NCKAP5: variants seen among roughly 807,000 people sequenced by gnomAD.
The protein encoded by NCKAP5 is nck-associated protein 5.
In NCKAP5, 92 loss-of-function variants were observed where a neutral mutation model predicts 167.0. The observed-to-expected ratio is 0.55, with a 90% confidence interval of 0.47 to 0.66. The LOEUF is 0.66. Ranked by LOEUF, NCKAP5 falls within the 30% of genes least tolerant of loss-of-function variation. NCKAP5 has a pLI of 0.00. For synonymous variants in NCKAP5, 891 were observed against 877.4 expected, an observed-to-expected ratio of 1.02 and a Z score of -0.27; for missense variants, 2,378 against 2,315.0, an observed-to-expected ratio of 1.03 and a Z score of -0.56.
At chr2:132,753,686 T>G (rs926261713) in intron 16 of NCKAP5, among the ~76,000 whole-genome samples, 3 of 152,108 alleles carry the variant, frequency 2.0e-5, no homozygotes, top group Non-Finnish European at 2.9e-5. Context: ...AAGCAAGGGT[T>G]TTGAGGGAAT....
Position 133,392,056 on chromosome 2 carries a change from T to C in NCKAP5, c.70-88946A>G, listed in dbSNP as rs1377085757. Among the ~76,000 whole-genome samples the C allele has an allele frequency of 3.9e-5, 6 of 152,314 alleles. No individual in the cohort carries two copies. The East Asian group carries it at 1.2e-3, about 29-fold the overall frequency. On this transcript the variant is annotated intron_variant, in intron 3 of 19. Coordinates refer to ENST00000409261, the MANE Select transcript of NCKAP5 (RefSeq NM_207363.3). ...ACTCACCAACTCACCCCATCCCACA[T>C]ACACACACTGATTAGTTGTATTGCC...
intron 8 of NCKAP5, among the ~76,000 whole-genome samples, chr2:132,898,456 T>C (rs1574561598): frequency 6.6e-6 from 1 of 152,362 alleles, no homozygotes; most frequent in East Asian, 1.9e-4. Flanking sequence ...TCACAAATGT[T>C]CTTAATGGCA....
intron 10 of NCKAP5, among the ~76,000 whole-genome samples, chr2:132,862,392 C>T (rs1574451989): frequency 6.6e-6 from 1 of 152,174 alleles, no homozygotes. Context: ...TTCAACTGAT[C>T]GGTGCCTACA....
chr2:132,912,382 G>C (rs1199015558), intron 8 of NCKAP5, among the ~76,000 whole-genome samples: 1 of 152,038 alleles, frequency 6.6e-6, no homozygotes, highest in African/African-American at 2.4e-5. Context: ...AGTCAATCAG[G>C]GTTTTTCAGA....
At chr2:133,388,499 G>A (rs1331302633) in intron 3 of NCKAP5, among the ~76,000 whole-genome samples, 1 of 152,196 alleles carries the variant, frequency 6.6e-6, no homozygotes, top group Non-Finnish European at 1.5e-5. Flanking sequence ...GGACCCACTT[G>A]AGGCAGTCTG....
chr2:133,467,066 G>A (rs1692656916), intron 3 of NCKAP5, among the ~76,000 whole-genome samples: 1 of 151,986 alleles, frequency 6.6e-6, no homozygotes, highest in South Asian at 2.1e-4. Context: ...AGTGGTGAGA[G>A]AGGGCATCCC....
At chr2:132,920,800 T>TGA (rs1695358196) in intron 8 of NCKAP5, among the ~76,000 whole-genome samples, 1 of 93,920 alleles carries the variant, frequency 1.1e-5, no homozygotes, top group African/African-American at 5.3e-5. Flanking sequence ...TATATATATA[T>TGA]ATATATATAT....
the NCKAP5 span, among the ~76,000 whole-genome samples, chr2:133,673,038 A>C: frequency 6.6e-6 from 1 of 152,132 alleles, no homozygotes; most frequent in Non-Finnish European, 1.5e-5. Context: ...GGCAGACTCC[A>C]TTTTGTCTCT....
rs564256593 is a variant in NCKAP5, at chr2:133,243,931, C to T, written c.144-30152G>A. On this transcript the variant is annotated intron_variant, in intron 4 of 19. Transcript: ENST00000409261. ...TAGGCCACAAGCTGCAATTCAGGGT[C>T]AAGAGTTTCCTTCTATTTACAAATA... 6.6e-5 allele frequency among the ~76,000 whole-genome samples: 10 copies of T among 152,314 alleles called. No individual in the cohort carries two copies. The East Asian group carries it at 1.9e-3, about 29-fold the overall frequency.
At chr2:133,598,043 G>C in the NCKAP5 span, among the ~76,000 whole-genome samples, 1 of 152,136 alleles carries the variant, frequency 6.6e-6, no homozygotes, top group Non-Finnish European at 1.5e-5. Context: ...ACAAACTTGG[G>C]AGCCAGACAT....
At chr2:133,207,025 T>C (rs965395163) in intron 5 of NCKAP5, among the ~76,000 whole-genome samples, 1 of 152,176 alleles carries the variant, frequency 6.6e-6, no homozygotes, top group Non-Finnish European at 1.5e-5. Flanking sequence ...AGACAATGCA[T>C]GCACAGCAGG....
At chr2:133,482,306 C>T (rs1680527180) in intron 3 of NCKAP5, among the ~76,000 whole-genome samples, 1 of 150,194 alleles carries the variant, frequency 6.7e-6, no homozygotes, top group African/African-American at 2.5e-5. Flanking sequence ...CAACCTCCAC[C>T]TCTTGGGATC....
intron 11 of NCKAP5, among the ~76,000 whole-genome samples, chr2:132,819,177 A>G (rs1012336611): frequency 5.3e-5 from 8 of 152,146 alleles, no homozygotes; most frequent in Non-Finnish European, 8.8e-5. Context: ...TATGGCATGG[A>G]GCCCTTCTGT....
chr2:132,760,394 T>C (rs1191005292), intron 16 of NCKAP5, among the ~76,000 whole-genome samples: 11 of 152,194 alleles, frequency 7.2e-5, no homozygotes, highest in Admixed American at 7.2e-4. Context: ...TTGTCTCAGA[T>C]ACAAATTATA....
chr2:133,272,104 T>C (rs2089540043), intron 4 of NCKAP5, among the ~76,000 whole-genome samples: 1 of 151,950 alleles, frequency 6.6e-6, no homozygotes, highest in Non-Finnish European at 1.5e-5. Context: ...TAGAACTTGA[T>C]GTCTCAAAAA....
intron 8 of NCKAP5, among the ~76,000 whole-genome samples, chr2:132,938,956 T>G (rs1326517494): frequency 2.0e-5 from 3 of 152,170 alleles, no homozygotes; most frequent in Non-Finnish European, 4.4e-5. Context: ...AAATTCATTT[T>G]TTAGAGGTTT....
chr2:133,419,361 G>A (rs1181213825), intron 3 of NCKAP5, among the ~76,000 whole-genome samples: 5 of 152,198 alleles, frequency 3.3e-5, no homozygotes, highest in Admixed American at 6.5e-5. Context: ...AAAGGCCACA[G>A]ACTGATCTCT....
At chr2:133,111,942 C>T (rs145132121) in intron 6 of NCKAP5, among the ~76,000 whole-genome samples, 225 of 152,226 alleles carry the variant, frequency 1.5e-3, no homozygotes, top group African/African-American at 5.2e-3. Flanking sequence ...CAGCCCACAG[C>T]CACTGCCAAT....
At chr2:133,602,771 CG>C in the NCKAP5 span, among the ~76,000 whole-genome samples, 4 of 152,182 alleles carry the variant, frequency 2.6e-5, no homozygotes, top group Admixed American at 2.6e-4. Context: ...TGTCAACCCC[CG>C]GGTTAAGGGA....
Sources: allele counts gnomAD v4.1 joint callset (sites outside exome capture counted in the v4.1 genomes callset), GRCh38; gene constraint gnomAD v4.1.1; transcripts MANE v1.5; gene names NCBI Gene and HGNC (gene_info 2026-07-23, HGNC 2026-07-21).